NAALADL2: variants seen among roughly 807,000 people sequenced by gnomAD.
The protein encoded by NAALADL2 is inactive N-acetylated-alpha-linked acidic dipeptidase-like protein 2.
Under a neutral mutation model 87.2 loss-of-function variants are expected in NAALADL2, and 76 were observed. The ratio of observed to expected loss-of-function variants is 0.87; its 90% CI spans 0.72 to 1.05. The LOEUF (loss-of-function observed/expected upper bound fraction) is 1.05, where lower values mean the gene tolerates loss of function less well. NAALADL2 is among the 50% of genes least tolerant of loss of function. The pLI, the probability that NAALADL2 is intolerant of heterozygous loss-of-function variation, is 0.00. For missense variants in NAALADL2, 1,089 were observed against 945.8 expected (o/e 1.15, Z -1.99); for synonymous variants, 354 against 331.0 (o/e 1.07, Z -0.75).
In NAALADL2 at chr3:174,699,348, T is replaced by A. The variant is rs114893649; in HGVS notation, c.-114-38293T>A. On this transcript the variant is annotated intron_variant, in intron 2 of 3. Coordinates refer to the NAALADL2 transcript ENST00000434257. ...TCGTCTCTACTAAAACAAAAATGAG[T>A]TGAGTGTGGTGGCACGTGCCTGTAG... Among the ~76,000 whole-genome samples, 1,271 of 151,850 alleles carry A rather than the reference T, an allele frequency of 8.4e-3. 22 individuals are homozygous for A. Among genetic ancestry groups the A allele is most frequent in the African/African-American group, 0.029 (1,208 of 41,430 alleles).
chr3:175,202,315 C>T (rs911904401), intron 2 of NAALADL2, among the ~76,000 whole-genome samples: 5 of 152,108 alleles, frequency 3.3e-5, no homozygotes, highest in Non-Finnish European at 5.9e-5. Flanking sequence ...GGCCTTGTTG[C>T]AGCCTCCCTC....
At chr3:175,611,755 G>A (rs1283902612) in intron 10 of NAALADL2, among the ~76,000 whole-genome samples, 1 of 152,080 alleles carries the variant, frequency 6.6e-6, no homozygotes, top group African/African-American at 2.4e-5. Context: ...CTATGTTGGA[G>A]GTTGGATAAT....
At chr3:175,153,739 CA>C (rs1731897417) in intron 2 of NAALADL2, among the ~76,000 whole-genome samples, 3 of 152,212 alleles carry the variant, frequency 2.0e-5, no homozygotes, top group Admixed American at 2.0e-4. Flanking sequence ...CTGAGCAAGG[CA>C]AACTCCTGGT....
At chr3:175,215,368 T>A (rs973325482) in intron 2 of NAALADL2, among the ~76,000 whole-genome samples, 1 of 152,184 alleles carries the variant, frequency 6.6e-6, no homozygotes, top group Non-Finnish European at 1.5e-5. Flanking sequence ...TACCCTTGTC[T>A]CCTCCCACGA....
In NAALADL2 at chr3:174,512,431, A is replaced by G. The variant is rs531683862; in HGVS notation, c.-183-38138A>G. Among the ~76,000 whole-genome samples, 9 of 152,196 alleles carry G rather than the reference A, an allele frequency of 5.9e-5. No homozygotes were observed. The South Asian group carries it at 1.9e-3, about 32-fold the overall frequency. ...CCCCAGTGTTCTTGGGTGTCTCTTC[A>G]TTATAAATGGTGGAAATCTGTCTTC... On this transcript the variant is annotated intron_variant, in intron 1 of 3. Transcript: ENST00000434257.
At chr3:175,148,085 G>GATAATAATAATAATA (rs777909114) in intron 2 of NAALADL2, among the ~76,000 whole-genome samples, 15 of 110,344 alleles carry the variant, frequency 1.4e-4, no homozygotes, top group East Asian at 7.7e-4. Flanking sequence ...TAATAATAAT[G>GATAATAATAATAATA]ATAATGATAA....
At chr3:174,545,029 T>C (rs988120734) in intron 1 of NAALADL2, among the ~76,000 whole-genome samples, 3 of 152,058 alleles carry the variant, frequency 2.0e-5, no homozygotes, top group Non-Finnish European at 2.9e-5. Context: ...GGATGCATCA[T>C]CATGCCTGAC....
At chr3:175,308,153 C>A (rs1351961017) in intron 4 of NAALADL2, among the ~76,000 whole-genome samples, 1 of 152,026 alleles carries the variant, frequency 6.6e-6, no homozygotes. Flanking sequence ...AGAAGAGAGA[C>A]ATAATTTCCA....
chr3:174,743,651 CTTCA>C (rs1733970432), intron 3 of NAALADL2, among the ~76,000 whole-genome samples: 1 of 151,572 alleles, frequency 6.6e-6, no homozygotes, highest in Admixed American at 6.6e-5. Flanking sequence ...TTAATATTTT[CTTCA>C]TTATTATCCT....
At chr3:175,540,417 G>A (rs895444212) in intron 9 of NAALADL2, among the ~76,000 whole-genome samples, 19 of 152,178 alleles carry the variant, frequency 1.2e-4, no homozygotes, top group Non-Finnish European at 4.4e-5. Flanking sequence ...GAGATGATGA[G>A]GTCAGAGAGC....
intron 1 of NAALADL2, among the ~76,000 whole-genome samples, chr3:175,073,245 T>C (rs1450261858): frequency 3.3e-5 from 5 of 152,088 alleles, no homozygotes; most frequent in African/African-American, 1.2e-4. Context: ...GTTTGTTTTA[T>C]ATCTGAAAGG....
intron 5 of NAALADL2, among the ~76,000 whole-genome samples, chr3:175,392,674 T>G (rs1447231457): frequency 2.0e-5 from 3 of 152,126 alleles, no homozygotes; most frequent in Non-Finnish European, 4.4e-5. Flanking sequence ...ACGGTGCACC[T>G]GCACCATCGA....
chr3:175,444,552 CCT>C (rs1336387520), intron 5 of NAALADL2, among the ~76,000 whole-genome samples: 1 of 152,150 alleles, frequency 6.6e-6, no homozygotes, highest in African/African-American at 2.4e-5. Context: ...TGGCATGCCA[CCT>C]GTGCAGTCTC....
chr3:175,609,232 G>A lies in NAALADL2; in HGVS notation c.1801-18059G>A, dbSNP rs185994699. Reference sequence around the variant, plus strand: ...GAGACAGCCAGTAGGAAAAAAAAGTGTAGTCTGAAACATTGGAAGCAATGA... The same window carrying A: ...GAGACAGCCAGTAGGAAAAAAAAGTATAGTCTGAAACATTGGAAGCAATGA... On this transcript the variant is annotated intron_variant, in intron 10 of 13. Coordinates refer to ENST00000454872, the MANE Select transcript of NAALADL2 (RefSeq NM_207015.3). 2.4e-3 allele frequency among the ~76,000 whole-genome samples: 361 copies of A among 152,238 alleles called. 3 individuals carry two copies. Among genetic ancestry groups the A allele is most frequent in the African/African-American group, 8.5e-3 (352 of 41,556 alleles).
At chr3:175,559,485 C>A (rs1202179286) in intron 9 of NAALADL2, among the ~76,000 whole-genome samples, 1 of 151,964 alleles carries the variant, frequency 6.6e-6, no homozygotes, top group East Asian at 1.9e-4. Context: ...TGTTGAAAAA[C>A]AATGCTGAAC....
chr3:175,447,263 C>G lies in NAALADL2; in HGVS notation c.1125C>G (p.Thr375=), dbSNP rs764831561. ...ESFRQSRSNL[T]SLLVQPISAP... is the part of the protein sequence containing the mutation. ...TTAGACAAAGCCGATCAAACCTCAC[C>G]TCTCTATTAGTGCAGCCCATCTCTG... Residue 375 remains threonine, a synonymous_variant, in exon 6 of 14, where the codon ACC becomes ACG. Coordinates refer to ENST00000454872, the MANE Select transcript of NAALADL2 (RefSeq NM_207015.3). The G allele has an allele frequency of 6.2e-7, 1 of 1,602,072 alleles. No individual in the cohort carries two copies. Among genetic ancestry groups the G allele is most frequent in the East Asian group, 2.2e-5 (1 of 44,700 alleles).
chr3:175,377,492 A>G (rs1420174682), intron 5 of NAALADL2, among the ~76,000 whole-genome samples: 2 of 152,098 alleles, frequency 1.3e-5, no homozygotes, highest in Non-Finnish European at 2.9e-5. Context: ...TGAATGTTAC[A>G]TGGCTGCACA....
intron 2 of NAALADL2, among the ~76,000 whole-genome samples, chr3:175,116,340 T>C (rs1725159863): frequency 6.6e-6 from 1 of 152,096 alleles, no homozygotes; most frequent in African/African-American, 2.4e-5. Flanking sequence ...AACCCCATCA[T>C]CTTAGCCCAA....
At chr3:175,319,568 C>T (rs1418329502) in intron 4 of NAALADL2, among the ~76,000 whole-genome samples, 1 of 152,106 alleles carries the variant, frequency 6.6e-6, no homozygotes, top group African/African-American at 2.4e-5. Flanking sequence ...ACCTATAATC[C>T]CAGCCCTTCG....
Sources: gnomAD v4.1 joint callset for allele counts (sites outside exome capture counted in the v4.1 genomes callset) on GRCh38, gnomAD v4.1.1 for gene constraint, MANE v1.5 for transcripts, NCBI Gene and HGNC (gene_info 2026-07-23, HGNC 2026-07-21) for gene names.